Variants in FAM107B observed in about 807,000 individuals in gnomAD.
FAM107B encodes the protein family with sequence similarity 107 member B.
Under a neutral mutation model 31.5 loss-of-function variants are expected in FAM107B, and 21 were observed. The observed-to-expected ratio is 0.67, with a 90% CI of 0.47 to 0.96. FAM107B has a LOEUF of 0.96. FAM107B is among the 40% of genes least tolerant of loss of function. FAM107B has a pLI of 0.00. For synonymous variants in FAM107B, 157 were observed against 141.5 expected (o/e 1.11, Z -0.78); for missense variants, 452 against 377.1 (o/e 1.20, Z -1.64).
At chr10:14,542,009 C>T (rs1190712314) in intron 2 of FAM107B, among the ~76,000 whole-genome samples, 2 of 152,142 alleles carry the variant, frequency 1.3e-5, no homozygotes, top group Non-Finnish European at 2.9e-5. Context: ...TAAATCCCAT[C>T]ACTTTTGAGA....
intron 2 of FAM107B, among the ~76,000 whole-genome samples, chr10:14,654,926 G>C (rs548824158): frequency 6.6e-6 from 1 of 152,174 alleles, no homozygotes; most frequent in Admixed American, 6.5e-5. Context: ...ATTTTAACCA[G>C]TCTGTGGGGT....
chr10:14,744,032 G>A (rs1217152358), intron 1 of FAM107B, among the ~76,000 whole-genome samples: 1 of 152,112 alleles, frequency 6.6e-6, no homozygotes, highest in African/African-American at 2.4e-5. Flanking sequence ...ATTTCTTTGG[G>A]CAGTGGTTTG....
intron 2 of FAM107B, among the ~76,000 whole-genome samples, chr10:14,537,605 C>G (rs755838717): frequency 2.7e-4 from 41 of 151,948 alleles, no homozygotes; most frequent in African/African-American, 9.9e-4. Flanking sequence ...TTTGGGAGGC[C>G]GAGGCGGGCG....
At chr10:14,710,972 G>A (rs1855633110) in intron 1 of FAM107B, among the ~76,000 whole-genome samples, 1 of 150,402 alleles carries the variant, frequency 6.6e-6, no homozygotes, top group South Asian at 2.1e-4. Flanking sequence ...GAGTGCAGTG[G>A]CGAGATCTCA....
At chr10:14,713,342 C>T (rs1052737641) in intron 1 of FAM107B, among the ~76,000 whole-genome samples, 16 of 152,138 alleles carry the variant, frequency 1.1e-4, no homozygotes, top group Admixed American at 2.0e-4. Flanking sequence ...GTGACTACAC[C>T]TCAGACACAA....
At chr10:14,714,323 T>TACAA (rs56412449) in intron 1 of FAM107B, among the ~76,000 whole-genome samples, 8,000 of 152,316 alleles carry the variant, frequency 0.053, 290 homozygotes, top group Non-Finnish European at 0.078. Flanking sequence ...CTACAGCCTC[T>TACAA]GTTAGCTCAG....
At chr10:14,754,227 C>A (rs1832885625) in intron 1 of FAM107B, among the ~76,000 whole-genome samples, 1 of 152,218 alleles carries the variant, frequency 6.6e-6, no homozygotes, top group South Asian at 2.1e-4. Flanking sequence ...GCGTGAGCCA[C>A]CTTGCCCGGC....
intron 1 of FAM107B, among the ~76,000 whole-genome samples, chr10:14,671,759 T>C (rs1352193353): frequency 6.6e-6 from 1 of 152,032 alleles, no homozygotes; most frequent in Non-Finnish European, 1.5e-5. Context: ...AGCCAAGAGA[T>C]GCTCCAATGC....
chr10:14,766,150 G>A (rs1833157240), intron 1 of FAM107B, among the ~76,000 whole-genome samples: 1 of 152,154 alleles, frequency 6.6e-6, no homozygotes, highest in Non-Finnish European at 1.5e-5. Flanking sequence ...ATAGATATCC[G>A]AGGAGTCTCT....
chr10:14,570,988 G>A (rs1851172535), intron 2 of FAM107B, among the ~76,000 whole-genome samples: 1 of 152,158 alleles, frequency 6.6e-6, no homozygotes, highest in African/African-American at 2.4e-5. Flanking sequence ...ATAACAAGCT[G>A]CCATAGGCTG....
At chr10:14,624,170 AG>A (rs1853092810) in intron 2 of FAM107B, among the ~76,000 whole-genome samples, 1 of 152,190 alleles carries the variant, frequency 6.6e-6, no homozygotes, top group Non-Finnish European at 1.5e-5. Context: ...AAACCACTAG[AG>A]GCTTTGAAAG....
intron 1 of FAM107B, among the ~76,000 whole-genome samples, chr10:14,742,830 C>A (rs191890895): frequency 1.3e-5 from 2 of 152,160 alleles, no homozygotes; most frequent in East Asian, 3.9e-4. Context: ...TTCTTATCTC[C>A]ACTATTTGAC....
chr10:14,769,109 A>C (rs578230030), intron 1 of FAM107B, among the ~76,000 whole-genome samples: 1 of 152,266 alleles, frequency 6.6e-6, no homozygotes, highest in East Asian at 1.9e-4. Context: ...GGAAGATAAA[A>C]TCAAATTGAC....
chr10:14,737,887 CT>C (rs1856344589), intron 1 of FAM107B, among the ~76,000 whole-genome samples: 1 of 151,706 alleles, frequency 6.6e-6, no homozygotes, highest in South Asian at 2.1e-4. Context: ...GTTCATCCCC[CT>C]GACTGGTGAC....
At chr10:14,726,541 G>T (rs1856040826) in intron 1 of FAM107B, among the ~76,000 whole-genome samples, 1 of 152,148 alleles carries the variant, frequency 6.6e-6, no homozygotes, top group African/African-American at 2.4e-5. Flanking sequence ...AAATTTTGGG[G>T]GTAATATTCC....
intron 2 of FAM107B, among the ~76,000 whole-genome samples, chr10:14,546,427 G>C (rs1406186551): frequency 2.0e-5 from 3 of 152,208 alleles, no homozygotes; most frequent in Non-Finnish European, 2.9e-5. Context: ...TCAGTAACTG[G>C]ATGGCATCTT....
intron 2 of FAM107B, among the ~76,000 whole-genome samples, chr10:14,542,269 C>CAAAA (rs147609287): frequency 3.6e-5 from 2 of 55,958 alleles, no homozygotes; most frequent in Admixed American, 1.9e-4. Flanking sequence ...GACTCCATCT[C>CAAAA]AAAAAAAAAA....
At chr10:14,733,724 G>A (rs999493607) in intron 1 of FAM107B, among the ~76,000 whole-genome samples, 6 of 152,162 alleles carry the variant, frequency 3.9e-5, no homozygotes, top group African/African-American at 1.4e-4. Context: ...GAAATTGGCA[G>A]CTCAAAGAGA....
At chr10:14,595,872 C>G (rs1305982860) in intron 2 of FAM107B, among the ~76,000 whole-genome samples, 2 of 152,200 alleles carry the variant, frequency 1.3e-5, no homozygotes, top group Non-Finnish European at 2.9e-5. Context: ...CAGCGGCACC[C>G]CGGCTGGTCT....
Sources: allele counts gnomAD v4.1 joint callset (sites outside exome capture counted in the v4.1 genomes callset), GRCh38; gene constraint gnomAD v4.1.1; transcripts MANE v1.5; gene names NCBI Gene and HGNC (gene_info 2026-07-23, HGNC 2026-07-21).